The following NPAS3 variants were observed in gnomAD, a reference collection of about 807,000 sequenced individuals.
NPAS3 encodes the protein neuronal PAS domain-containing protein 3.
A neutral mutation model predicts 73.1 loss-of-function variants in NPAS3; 14 were observed. The ratio of observed to expected loss-of-function variants is 0.19; its 90% CI spans 0.13 to 0.30. The LOEUF is 0.30. Among genes scored for constraint, NPAS3 ranks in the 10% least tolerant of loss-of-function variants. The pLI is 1.00. For synonymous variants in NPAS3, 620 were observed against 541.5 expected, an observed-to-expected ratio of 1.14 and a Z score of -2.01; for missense variants, 1,096 against 1,250.0, an observed-to-expected ratio of 0.88 and a Z score of 1.86.
chr14:33,180,799 CAAGAAAAA>C (rs1247251997), intron 2 of NPAS3, among the ~76,000 whole-genome samples: 29 of 69,366 alleles, frequency 4.2e-4, no homozygotes, highest in African/African-American at 1.6e-3. Flanking sequence ...ACACTGTCTC[CAAGAAAAA>C]AAAAAAAAAA....
At chr14:33,140,358 A>G (rs553895228) in intron 2 of NPAS3, among the ~76,000 whole-genome samples, 1 of 152,066 alleles carries the variant, frequency 6.6e-6, no homozygotes, top group Non-Finnish European at 1.5e-5. Flanking sequence ...TAAGTAGGGA[A>G]AAGAACACAG....
intron 6 of NPAS3, among the ~76,000 whole-genome samples, chr14:33,714,598 T>TA: frequency 6.6e-6 from 1 of 152,360 alleles, no homozygotes; most frequent in East Asian, 1.9e-4. Context: ...AGACTTTGGG[T>TA]AAGAAGTCAA....
At chr14:33,602,268 C>T (rs2057421163) in intron 5 of NPAS3, among the ~76,000 whole-genome samples, 1 of 152,220 alleles carries the variant, frequency 6.6e-6, no homozygotes, top group Admixed American at 6.5e-5. Context: ...AGGTATAGTG[C>T]CCAGCACTCA....
At chr14:33,550,815 C>T (rs1467142133) in intron 4 of NPAS3, among the ~76,000 whole-genome samples, 1 of 152,126 alleles carries the variant, frequency 6.6e-6, no homozygotes, top group Admixed American at 6.5e-5. Flanking sequence ...GCAACATAGC[C>T]TCTAAGCGTC....
intron 3 of NPAS3, among the ~76,000 whole-genome samples, chr14:33,332,872 G>C (rs182396037): frequency 6.6e-6 from 1 of 152,290 alleles, no homozygotes; most frequent in Admixed American, 6.5e-5. Flanking sequence ...ATAATGACCT[G>C]CAAGGTTATG....
chr14:33,194,602 T>A (rs2046284891), intron 2 of NPAS3, among the ~76,000 whole-genome samples: 1 of 152,204 alleles, frequency 6.6e-6, no homozygotes, highest in South Asian at 2.1e-4. Context: ...ACAGATATTA[T>A]ACACTGGTAC....
intron 7 of NPAS3, among the ~76,000 whole-genome samples, chr14:33,763,418 A>C (rs1469038364): frequency 6.6e-6 from 1 of 152,192 alleles, no homozygotes; most frequent in Non-Finnish European, 1.5e-5. Context: ...TGCCTAGCAA[A>C]GAGTGTAAAC....
intron 1 of NPAS3, among the ~76,000 whole-genome samples, chr14:32,977,308 C>G (rs2037720476): frequency 6.9e-6 from 1 of 145,292 alleles, no homozygotes; most frequent in Admixed American, 7.0e-5. Context: ...GTCAGTATTT[C>G]TGGACATAAG....
chr14:33,799,882 C>A, exon 12 of NPAS3: 1 of 1,614,180 alleles, frequency 6.2e-7, no homozygotes, highest in Non-Finnish European at 8.5e-7. Flanking sequence ...ACCCGGACAG[C>A]CGCGACAGCG....
chr14:32,961,755 T>A (rs1430164565), intron 1 of NPAS3, among the ~76,000 whole-genome samples: 1 of 152,180 alleles, frequency 6.6e-6, no homozygotes, highest in South Asian at 2.1e-4. Flanking sequence ...GAGGAAGATA[T>A]ATCCCCATTT....
chr14:33,725,886 A>C lies in NPAS3; in HGVS notation c.734-9328A>C, dbSNP rs1361912599. Among the ~76,000 whole-genome samples the C allele has an allele frequency of 2.0e-5, 3 of 152,274 alleles. No individual in the cohort carries two copies. In the East Asian group the frequency reaches 5.8e-4, roughly 29 times the overall value. ...TTCTTCCACTTCCTTTATCTTAGCA[A>C]ACAACTTTATTGAAATTTATTTACT... On this transcript the variant is annotated intron_variant, in intron 6 of 11. Coordinates refer to ENST00000356141, the Ensembl canonical transcript of NPAS3.
At chr14:33,450,203 A>G (rs138776479) in intron 4 of NPAS3, among the ~76,000 whole-genome samples, 223 of 152,274 alleles carry the variant, frequency 1.5e-3, no homozygotes, top group African/African-American at 5.2e-3. Flanking sequence ...TATGCAACAT[A>G]TACATTGTTG....
intron 1 of NPAS3, among the ~76,000 whole-genome samples, chr14:33,021,649 TC>T (rs1422928339): frequency 1.3e-5 from 2 of 152,166 alleles, no homozygotes; most frequent in African/African-American, 4.8e-5. Flanking sequence ...TCAAGTGCCT[TC>T]CCACTGAAGT....
At chr14:33,436,919 T>G (rs2049014730) in intron 4 of NPAS3, among the ~76,000 whole-genome samples, 1 of 152,218 alleles carries the variant, frequency 6.6e-6, no homozygotes, top group African/African-American at 2.4e-5. Flanking sequence ...TGTTGTGCCT[T>G]AATTTCCTAT....
intron 2 of NPAS3, among the ~76,000 whole-genome samples, chr14:33,083,178 C>CAAAAAAA (rs57147759): frequency 4.6e-5 from 3 of 65,018 alleles, no homozygotes; most frequent in African/African-American, 4.3e-5. Flanking sequence ...GAGACTGTCT[C>CAAAAAAA]AAAAAAAAAA....
intron 3 of NPAS3, among the ~76,000 whole-genome samples, chr14:33,290,906 T>A (rs752459367): frequency 6.6e-6 from 1 of 152,174 alleles, no homozygotes; most frequent in African/African-American, 2.4e-5. Context: ...TCTAAAGATA[T>A]ACACAGAATG....
chr14:33,403,584 A>G (rs1000659682), intron 4 of NPAS3, among the ~76,000 whole-genome samples: 7 of 152,090 alleles, frequency 4.6e-5, no homozygotes, highest in African/African-American at 1.7e-4. Flanking sequence ...ATGGAGGTAC[A>G]TGGGGTTTGT....
chr14:33,722,055 A>G (rs1302585361), intron 6 of NPAS3, among the ~76,000 whole-genome samples: 1 of 152,202 alleles, frequency 6.6e-6, no homozygotes, highest in Non-Finnish European at 1.5e-5. Context: ...ATGCAGTGGG[A>G]GCATTCAGCT....
chr14:33,205,737 G>A (rs1180649994), intron 2 of NPAS3, among the ~76,000 whole-genome samples: 1 of 152,112 alleles, frequency 6.6e-6, no homozygotes, highest in Non-Finnish European at 1.5e-5. Flanking sequence ...CATGTGCTAT[G>A]TTTGCTAGTA....
Sources: gnomAD v4.1 joint callset for allele counts (sites outside exome capture counted in the v4.1 genomes callset) on GRCh38, gnomAD v4.1.1 for gene constraint, MANE v1.5 for transcripts, NCBI Gene and HGNC (gene_info 2026-07-23, HGNC 2026-07-21) for gene names.